Variants in CD8B observed in about 807,000 individuals in gnomAD.
CD8B encodes the protein CD8 subunit beta, also known as T-cell surface glycoprotein CD8 beta chain.
CD8B carries 6 observed loss-of-function variants against 24.2 expected under a neutral mutation model. That is an observed-to-expected ratio of 0.25 (90% CI 0.14 to 0.49). The LOEUF (loss-of-function observed/expected upper bound fraction) is 0.49. Ranked by LOEUF, CD8B falls within the 20% of genes least tolerant of loss-of-function variation. The probability of loss-of-function intolerance (pLI) is 0.98; values close to 1 mark genes in which losing one functional copy is unlikely to be tolerated. For synonymous variants in CD8B, 84 were observed against 108.3 expected, an observed-to-expected ratio of 0.78 and a Z score of 1.39; for missense variants, 196 against 271.3, an observed-to-expected ratio of 0.72 and a Z score of 1.95.
At chr2:86,816,909 A>T (rs979024262) in intron 5 of CD8B, among the ~76,000 whole-genome samples, 1 of 152,236 alleles carries the variant, frequency 6.6e-6, no homozygotes, top group Non-Finnish European at 1.5e-5. Context: ...GTTAAAGGAC[A>T]AGTCTCAAAT....
At chr2:86,834,649 G>A (rs1420986262), downstream of CD8B, among the ~76,000 whole-genome samples, 3 of 152,064 alleles carry the variant, frequency 2.0e-5, no homozygotes, top group Middle Eastern at 3.4e-3. Flanking sequence ...TAAGACAGAC[G>A]TTCCAGGCCG....
At chr2:86,829,040 G>A (rs1163945682) in intron 5 of CD8B, among the ~76,000 whole-genome samples, 2 of 146,082 alleles carry the variant, frequency 1.4e-5, no homozygotes, top group African/African-American at 5.1e-5. Flanking sequence ...CTTGTAATCT[G>A]CCCCACACCA....
chr2:86,848,401 C>T (rs1249972358), intron 3 of CD8B, among the ~76,000 whole-genome samples: 1 of 152,190 alleles, frequency 6.6e-6, no homozygotes, highest in East Asian at 1.9e-4. Context: ...TACGAGTTGA[C>T]TATCTGTTCC....
chr2:86,848,491 C>T (rs1256702860), intron 3 of CD8B, among the ~76,000 whole-genome samples: 3 of 151,944 alleles, frequency 2.0e-5, no homozygotes, highest in African/African-American at 7.3e-5. Flanking sequence ...CCCTTCAGGC[C>T]CCTGTGGCTG....
chr2:86,817,720 A>T (rs1276633563), intron 5 of CD8B, among the ~76,000 whole-genome samples: 1 of 152,226 alleles, frequency 6.6e-6, no homozygotes, highest in African/African-American at 2.4e-5. Context: ...AGGGGTCTCA[A>T]CACAAACATT....
intron 5 of CD8B, among the ~76,000 whole-genome samples, chr2:86,818,134 G>A (rs1366030028): frequency 1.3e-5 from 2 of 151,992 alleles, no homozygotes; most frequent in Non-Finnish European, 2.9e-5. Flanking sequence ...TGCTTGAACT[G>A]GGAGATGGAG....
At chr2:86,854,077 A>G (rs1676112907) in intron 2 of CD8B, among the ~76,000 whole-genome samples, 1 of 152,090 alleles carries the variant, frequency 6.6e-6, no homozygotes, top group Non-Finnish European at 1.5e-5. Context: ...GTGACTTGGG[A>G]CAAGTCATAG....
intron 5 of CD8B, among the ~76,000 whole-genome samples, chr2:86,829,095 C>CATTTTTT (rs1553434639): frequency 1.2e-5 from 1 of 82,992 alleles, no homozygotes; most frequent in Non-Finnish European, 2.2e-5. Flanking sequence ...ATGCTCTTTA[C>CATTTTTT]TTTTTTTTTT....
intron 1 of CD8B, among the ~76,000 whole-genome samples, 175 bp from the exon 2 acceptor site, chr2:86,858,591 C>T (rs893946625): frequency 1.4e-5 from 2 of 138,936 alleles, no homozygotes; most frequent in African/African-American, 5.6e-5. Flanking sequence ...GTTCACATAC[C>T]CCACCTCCCA....
intron 3 of CD8B, among the ~76,000 whole-genome samples, chr2:86,851,232 T>C (rs1028174373): frequency 6.6e-6 from 1 of 152,204 alleles, no homozygotes; most frequent in Admixed American, 6.5e-5. Context: ...AGATTGCTTC[T>C]CGAATTTAGT....
chr2:86,841,590 C>T lies in CD8B; in HGVS notation c.*717G>A. On this transcript the variant is annotated 3_prime_UTR_variant, in exon 6 of 6. Transcript: ENST00000390655. ...TTATGTCACAGGAGCCGTTTGTTAT[C>T]TTTAACCTGGGACTTTATTTGTACA... The T allele has an allele frequency of 1.0e-6, 1 of 985,248 alleles. No homozygotes were observed. The highest frequency in any genetic ancestry group is 1.2e-6 in the Non-Finnish European group (1 of 829,842). 61.0% of individuals were successfully genotyped at this position (985,248 alleles called of 1,614,324 possible).
chr2:86,827,431 C>G (rs893670266), intron 5 of CD8B, among the ~76,000 whole-genome samples: 3 of 151,902 alleles, frequency 2.0e-5, no homozygotes, highest in African/African-American at 7.3e-5. Context: ...TGAGACCAGC[C>G]TGGCCAACAT....
chr2:86,823,644 A>C (rs568019273), intron 5 of CD8B, among the ~76,000 whole-genome samples: 1 of 152,170 alleles, frequency 6.6e-6, no homozygotes, highest in Non-Finnish European at 1.5e-5. Flanking sequence ...TTCATTGTAA[A>C]CATAATGTTC....
intron 4 of CD8B, 127 bp downstream of exon 4, chr2:86,846,557 C>A (rs1383593311): frequency 3.3e-6 from 2 of 606,322 alleles, no homozygotes; most frequent in East Asian, 6.2e-5. Context: ...CTGGAAATAC[C>A]GTAGGTTCTC....
chr2:86,846,096 G>A (rs1158858519), intron 4 of CD8B, among the ~76,000 whole-genome samples: 7 of 152,176 alleles, frequency 4.6e-5, no homozygotes, highest in South Asian at 2.1e-4. Context: ...CTGGCTCCCC[G>A]TCTTTCTTGT....
intron 4 of CD8B, among the ~76,000 whole-genome samples, chr2:86,845,946 T>C (rs1323959984): frequency 3.0e-4 from 45 of 152,208 alleles, no homozygotes. Flanking sequence ...CTGATCTAGT[T>C]CATGCCCTTG....
At chr2:86,857,996 T>C in intron 2 of CD8B, 61 bp downstream of exon 2, 1 of 1,566,310 alleles carries the variant, frequency 6.4e-7, no homozygotes. Flanking sequence ...GTGGTCCCAG[T>C]GCCTGGCACG....
intron 5 of CD8B, among the ~76,000 whole-genome samples, chr2:86,830,023 T>G (rs1373190506): frequency 6.6e-6 from 1 of 152,216 alleles, no homozygotes; most frequent in African/African-American, 2.4e-5. Flanking sequence ...CTTGCATGGA[T>G]GTATTCTCAT....
intron 5 of CD8B, among the ~76,000 whole-genome samples, chr2:86,818,905 T>G (rs1189014759): frequency 6.6e-6 from 1 of 152,190 alleles, no homozygotes; most frequent in Non-Finnish European, 1.5e-5. Context: ...GAAAAAGTTC[T>G]TGAAGGAAAT....
Sources: allele counts gnomAD v4.1 joint callset (sites outside exome capture counted in the v4.1 genomes callset), GRCh38; gene constraint gnomAD v4.1.1; transcripts MANE v1.5; gene names NCBI Gene and HGNC (gene_info 2026-07-23, HGNC 2026-07-21).